TRPC6: variants seen among roughly 807,000 people sequenced by gnomAD.
TRPC6 encodes the protein transient receptor potential cation channel subfamily C member 6.
In TRPC6, 55 loss-of-function variants were observed where a neutral mutation model predicts 90.7. The ratio of observed to expected loss-of-function variants is 0.61; its 90% confidence interval spans 0.49 to 0.76. The LOEUF is 0.76. Ranked by LOEUF, TRPC6 falls within the 30% of genes least tolerant of loss-of-function variation. The pLI, the probability that TRPC6 is intolerant of heterozygous loss-of-function variation, is 0.00. For missense variants in TRPC6, 989 were observed against 1,122.7 expected (o/e 0.88, Z 1.70); for synonymous variants, 393 against 393.0 (o/e 1.00, Z 0.00).
At chr11:101,547,022 A>T (rs578137156) in intron 1 of TRPC6, among the ~76,000 whole-genome samples, 2 of 152,288 alleles carry the variant, frequency 1.3e-5, no homozygotes, top group African/African-American at 4.8e-5. Context: ...AAATACATAA[A>T]TGTTAAGTGA....
intron 1 of TRPC6, among the ~76,000 whole-genome samples, chr11:101,570,678 T>A (rs1023393096): frequency 8.5e-5 from 13 of 152,170 alleles, no homozygotes; most frequent in Non-Finnish European, 1.5e-4. Context: ...TCCACTATGA[T>A]CCAGTTGGCG....
At chr11:101,513,871 C>A (rs1860454044) in intron 1 of TRPC6, among the ~76,000 whole-genome samples, 1 of 152,154 alleles carries the variant, frequency 6.6e-6, no homozygotes, top group African/African-American at 2.4e-5. Flanking sequence ...GCTGAAGCTG[C>A]TGATTCCCAG....
chr11:101,569,189 C>CA (rs201079279), intron 1 of TRPC6, among the ~76,000 whole-genome samples: 2,081 of 113,216 alleles, frequency 0.018, 30 homozygotes, highest in African/African-American at 0.045. Flanking sequence ...AAATGGAAAG[C>CA]AAAAAAAAAA....
intron 1 of TRPC6, among the ~76,000 whole-genome samples, chr11:101,543,220 C>G (rs4754765): frequency 0.73 from 110,478 of 151,908 alleles, 40,762 homozygotes; most frequent in East Asian, 0.99. Flanking sequence ...GTTTGGCAAG[C>G]ATGTGGAACA....
chr11:101,545,688 T>C (rs774565357), intron 1 of TRPC6, among the ~76,000 whole-genome samples: 4 of 152,220 alleles, frequency 2.6e-5, no homozygotes, highest in Non-Finnish European at 5.9e-5. Context: ...ACATTTCTTA[T>C]AATTTAGCTA....
intron 6 of TRPC6, among the ~76,000 whole-genome samples, chr11:101,475,692 T>C (rs1249723511): frequency 6.6e-6 from 1 of 152,116 alleles, no homozygotes; most frequent in Non-Finnish European, 1.5e-5. Context: ...AGTTTGACTT[T>C]TTTTAGATTC....
rs539382301 is a variant in TRPC6, at chr11:101,485,585, T to G, written c.1294-2420A>C. ...CCATTATAAATCCTAAACTTTTTTT[T>G]TTTTAATTCTCAATTTATTTGACTG... On this transcript the variant is annotated intron_variant, in intron 4 of 12. Coordinates refer to ENST00000344327, the MANE Select transcript of TRPC6 (RefSeq NM_004621.6). Among the ~76,000 whole-genome samples, 11 of 130,244 alleles carry G rather than the reference T, an allele frequency of 8.4e-5. No homozygotes were observed. The South Asian group carries it at 2.5e-3, about 30-fold the overall frequency. The allele number at this position is 130,244 out of a possible 152,430, so 85.4% of individuals were successfully genotyped here.
chr11:101,455,104 G>A lies in TRPC6; in HGVS notation c.2485-3C>T, dbSNP rs1858853847. On this transcript the variant is annotated splice_region_variant and splice_polypyrimidine_tract_variant and intron_variant, in intron 10 of 12. Coordinates refer to ENST00000344327, the MANE Select transcript of TRPC6 (RefSeq NM_004621.6). ...CTTGGTTGTTTATTGTGCCCAACCT[G>A]TAATTTGAAAAGATTTAGAAATGGA... 2 of 1,609,768 alleles carry A rather than the reference G, an allele frequency of 1.2e-6. No homozygotes were observed. Among genetic ancestry groups the A allele is most frequent in the Admixed American group, 1.7e-5 (1 of 59,902 alleles).
At chr11:101,520,855 G>A (rs1860643402) in intron 1 of TRPC6, among the ~76,000 whole-genome samples, 1 of 152,046 alleles carries the variant, frequency 6.6e-6, no homozygotes, top group Non-Finnish European at 1.5e-5. Context: ...ATGGATTTAG[G>A]GTATCTAATG....
At chr11:101,489,876 AAAGGAGTTGAGTCTAAAAC>A (rs1859764925) in intron 3 of TRPC6, among the ~76,000 whole-genome samples, 2 of 152,256 alleles carry the variant, frequency 1.3e-5, no homozygotes, top group South Asian at 4.2e-4. Flanking sequence ...GATAGGTAGA[AAAGGAGTTGAGTCTAAAAC>A]AAGATAGAAT....
At chr11:101,553,896 G>C (rs1206272174) in intron 1 of TRPC6, among the ~76,000 whole-genome samples, 3 of 151,970 alleles carry the variant, frequency 2.0e-5, no homozygotes, top group Non-Finnish European at 4.4e-5. Context: ...ACAATTGAAA[G>C]AAAAAATTAA....
intron 10 of TRPC6, among the ~76,000 whole-genome samples, chr11:101,462,915 T>C (rs1859039457): frequency 6.6e-6 from 1 of 152,208 alleles, no homozygotes; most frequent in Non-Finnish European, 1.5e-5. Flanking sequence ...TTCCAGTTTT[T>C]GCCCATTCAG....
At chr11:101,511,364 C>T (rs1229138284) in intron 1 of TRPC6, among the ~76,000 whole-genome samples, 5 of 152,240 alleles carry the variant, frequency 3.3e-5, no homozygotes, top group South Asian at 2.1e-4. Flanking sequence ...CTTATTCACA[C>T]TGAATTCACC....
chr11:101,497,841 C>T (rs1031499839), intron 2 of TRPC6, among the ~76,000 whole-genome samples: 12 of 152,056 alleles, frequency 7.9e-5, no homozygotes, highest in African/African-American at 2.7e-4. Flanking sequence ...TGTCCTAATG[C>T]TCTCCCTCCC....
intron 1 of TRPC6, among the ~76,000 whole-genome samples, chr11:101,541,401 G>A (rs4474404): frequency 0.27 from 40,949 of 151,942 alleles, 6,014 homozygotes; most frequent in Non-Finnish European, 0.32. Flanking sequence ...TCGCTCTTTC[G>A]CCCAGGCCGG....
At chr11:101,506,508 T>A (rs1860270946) in intron 1 of TRPC6, among the ~76,000 whole-genome samples, 1 of 152,112 alleles carries the variant, frequency 6.6e-6, no homozygotes, top group Non-Finnish European at 1.5e-5. Flanking sequence ...GCTTGAAGAG[T>A]ATACCACCAT....
chr11:101,527,160 T>C (rs1483409435), intron 1 of TRPC6, among the ~76,000 whole-genome samples: 1 of 152,158 alleles, frequency 6.6e-6, no homozygotes, highest in African/African-American at 2.4e-5. Context: ...TATTTTTTTA[T>C]CATTTACTGC....
intron 1 of TRPC6, among the ~76,000 whole-genome samples, chr11:101,516,108 GAAA>G (rs10635008): frequency 1.5e-5 from 2 of 133,320 alleles, no homozygotes; most frequent in African/African-American, 2.8e-5. Flanking sequence ...ATGCAGCTGG[GAAA>G]AAAAAAAAAA....
intron 10 of TRPC6, among the ~76,000 whole-genome samples, chr11:101,467,744 A>AT (rs926440237): frequency 6.6e-6 from 1 of 152,000 alleles, no homozygotes; most frequent in Non-Finnish European, 1.5e-5. Flanking sequence ...ACATATCCTT[A>AT]TTTTTTTCAC....
Sources: gnomAD v4.1 joint callset for allele counts (sites outside exome capture counted in the v4.1 genomes callset) on GRCh38, gnomAD v4.1.1 for gene constraint, MANE v1.5 for transcripts, NCBI Gene and HGNC (gene_info 2026-07-23, HGNC 2026-07-21) for gene names.